Variants in CCDC39 observed in about 807,000 individuals in gnomAD.
The protein encoded by CCDC39 is coiled-coil domain 39 molecular ruler complex subunit.
CCDC39 carries 113 observed loss-of-function variants against 121.0 expected under a neutral mutation model. That is an observed-to-expected ratio of 0.93 (90% CI 0.80 to 1.09). The LOEUF is 1.09. Ranked by LOEUF, CCDC39 falls within the 50% of genes least tolerant of loss-of-function variation. The pLI is 0.00. For missense variants in CCDC39, 1,063 were observed against 1,074.7 expected, an observed-to-expected ratio of 0.99 and a Z score of 0.15; for synonymous variants, 349 against 352.2, an observed-to-expected ratio of 0.99 and a Z score of 0.10.
chr3:180,662,494 TAAA>T (rs1170189606), intron 2 of CCDC39, among the ~76,000 whole-genome samples: 1 of 152,132 alleles, frequency 6.6e-6, no homozygotes, highest in Non-Finnish European at 1.5e-5. Flanking sequence ...TTTTATGTAA[TAAA>T]AGAGTATGTG....
intron 16 of CCDC39, among the ~76,000 whole-genome samples, chr3:180,617,180 G>GT (rs1408412584): frequency 6.6e-6 from 1 of 152,028 alleles, no homozygotes; most frequent in African/African-American, 2.4e-5. Context: ...AAAAATTCCT[G>GT]TTACCTAGCG....
chr3:180,653,956 T>C (rs971322758), intron 7 of CCDC39, among the ~76,000 whole-genome samples: 2 of 151,964 alleles, frequency 1.3e-5, no homozygotes, highest in Admixed American at 1.3e-4. Flanking sequence ...TATTGTTGTA[T>C]TATTTTTATT....
intron 7 of CCDC39, among the ~76,000 whole-genome samples, chr3:180,652,970 C>T (rs1354419984): frequency 1.3e-5 from 2 of 152,068 alleles, no homozygotes; most frequent in Admixed American, 1.3e-4. Context: ...GATCTGTACA[C>T]TAAAAACTAC....
At chr3:180,671,172 C>T (rs1712033307) in intron 1 of CCDC39, among the ~76,000 whole-genome samples, 1 of 145,932 alleles carries the variant, frequency 6.9e-6, no homozygotes, top group Admixed American at 7.0e-5. Flanking sequence ...GATGGTGTCA[C>T]TGCACTCCAG....
intron 10 of CCDC39, among the ~76,000 whole-genome samples, chr3:180,647,698 T>C (rs538336526): frequency 6.6e-6 from 1 of 151,988 alleles, no homozygotes; most frequent in Non-Finnish European, 1.5e-5. Context: ...GAATATATAT[T>C]AGATGAGAAA....
At chr3:180,637,550 T>A (rs991432436) in intron 13 of CCDC39, among the ~76,000 whole-genome samples, 1 of 152,080 alleles carries the variant, frequency 6.6e-6, no homozygotes, top group Non-Finnish European at 1.5e-5. Flanking sequence ...AACAGAAGTA[T>A]CATTCAACCC....
At position 180,651,425 on chromosome 3, in the gene CCDC39, T is replaced by C; in HGVS notation, c.1143A>G (p.Leu381=). Residue 381 remains leucine (L), a synonymous_variant, in exon 9 of 20, where the codon CTA becomes CTG. Coordinates refer to ENST00000476379, the MANE Select transcript of CCDC39 (RefSeq NM_181426.2). ...EEKATNLEDM[L]KEEEKDVKEV... ...CCTTCACATCTTTTTCCTCCTCCTT[T>C]AGCATATCTTCCAAATTAGTAGCTT... 6.4e-7 allele frequency: 1 copy of C among 1,558,884 alleles called. No homozygotes were observed. Among genetic ancestry groups the C allele is most frequent in the Non-Finnish European group, 8.7e-7 (1 of 1,150,128 alleles).
intron 1 of CCDC39, among the ~76,000 whole-genome samples, chr3:180,672,945 G>A (rs1329085635): frequency 6.6e-6 from 1 of 152,210 alleles, no homozygotes; most frequent in African/African-American, 2.4e-5. Context: ...CCTTATGGAT[G>A]AGTTTGAGAG....
chr3:180,654,768 C>T lies in CCDC39; in HGVS notation c.924G>A (p.Lys308=). Residue 308 remains lysine, a synonymous_variant, in exon 7 of 20, where the codon AAG becomes AAA. Transcript: ENST00000476379. ...CTTTTTTGAGTTGACATACCTCACC[C>T]TTCAGCTGAATTCTACTAGTTTCAT... ...QDHETSRIQL[K]GELDSLKATV... 2 of 1,605,620 alleles carry T rather than the reference C, an allele frequency of 1.2e-6. No individual in the cohort carries two copies. Among genetic ancestry groups the T allele is most frequent in the South Asian group, 1.1e-5 (1 of 89,530 alleles).
Position 180,644,174 on chromosome 3 carries a change from G to A in CCDC39, c.1611C>T (p.Asn537=), listed in dbSNP as rs370618523. Reference sequence around the variant, plus strand: ...CTTTCTCTGATCTGTCGATGAAAAGGTTTAGTTCATTTATTTTGGTCATAA... The same window carrying A: ...CTTTCTCTGATCTGTCGATGAAAAGATTTAGTTCATTTATTTTGGTCATAA... ...QSLMTKINEL[N]LFIDRSEKEL... is the part of the protein sequence containing the mutation. The change falls in exon 12 of 20, where the codon AAC becomes AAT. Residue 537 remains asparagine, a synonymous_variant. Transcript: ENST00000476379. 29 of 1,544,034 alleles carry A rather than the reference G, an allele frequency of 1.9e-5. No homozygotes were observed. The highest frequency in any genetic ancestry group is 4.0e-5 in the Admixed American group (2 of 50,078).
chr3:180,645,115 T>C (rs899027345), intron 11 of CCDC39, among the ~76,000 whole-genome samples: 2 of 152,156 alleles, frequency 1.3e-5, no homozygotes, highest in African/African-American at 4.8e-5. Flanking sequence ...TCCTCATCTC[T>C]AAATGGAGAT....
chr3:180,639,041 A>G (rs979836500), intron 13 of CCDC39, among the ~76,000 whole-genome samples: 15 of 152,120 alleles, frequency 9.9e-5, no homozygotes, highest in Admixed American at 5.2e-4. Context: ...AGAACTGGAA[A>G]CAACTCAAAT....
At chr3:180,661,155 G>T (rs1056401186) in intron 3 of CCDC39, among the ~76,000 whole-genome samples, 1 of 151,888 alleles carries the variant, frequency 6.6e-6, no homozygotes, top group African/African-American at 2.4e-5. Flanking sequence ...CATATTGTTT[G>T]CCCTAAGAAG....
chr3:180,651,860 AC>A (rs1711500108), intron 8 of CCDC39, among the ~76,000 whole-genome samples: 1 of 152,060 alleles, frequency 6.6e-6, no homozygotes, highest in Non-Finnish European at 1.5e-5. Flanking sequence ...ACACGGTGAA[AC>A]CCCGTCTCTA....
In CCDC39 at chr3:180,648,344, G is replaced by C; in HGVS notation, c.1183C>G (p.Leu395Val). 1 of 1,563,584 alleles carries C rather than the reference G, an allele frequency of 6.4e-7. No individual in the cohort carries two copies. Among genetic ancestry groups the C allele is most frequent in the Non-Finnish European group, 8.7e-7 (1 of 1,155,416 alleles). The change falls in exon 10 of 20, where the codon CTG becomes GTG. Residue 395 changes from leucine (L) to valine (V), a missense_variant. By Grantham distance (32) the Leu-to-Val change is conservative (BLOSUM62 1). Coordinates refer to ENST00000476379, the MANE Select transcript of CCDC39 (RefSeq NM_181426.2). ...AACAGCACACCTTTTATGAGGTTCA[G>C]TTGAACATCTACTTCCTGATAATGA... ...EKDVKEVDVQ[L>V]NLIKGVLFKK...
intron 12 of CCDC39, among the ~76,000 whole-genome samples, chr3:180,642,405 A>T (rs1444412893): frequency 6.6e-6 from 1 of 151,668 alleles, no homozygotes; most frequent in Non-Finnish European, 1.5e-5. Flanking sequence ...AATCTTTTTC[A>T]TAATTCAATT....
At chr3:180,647,036 G>A (rs370501907) in intron 11 of CCDC39, 43 bp downstream of exon 11, 2 of 1,571,208 alleles carry the variant, frequency 1.3e-6, no homozygotes, top group Non-Finnish European at 8.7e-7. Context: ...AAAACAGAAT[G>A]ACTAGGATAT....
At chr3:180,616,418 A>T in intron 18 of CCDC39, 55 bp from the exon 19 acceptor site, 1 of 1,522,730 alleles carries the variant, frequency 6.6e-7, no homozygotes, top group Non-Finnish European at 8.8e-7. Context: ...TTTAGAAGAT[A>T]AATATTTTTA....
intron 2 of CCDC39, among the ~76,000 whole-genome samples, chr3:180,663,119 CTT>C (rs1378530242): frequency 6.6e-6 from 1 of 152,096 alleles, no homozygotes; most frequent in African/African-American, 2.4e-5. Context: ...AATAAAGTCT[CTT>C]AAGTATAATC....
Sources: gnomAD v4.1 joint callset for allele counts (sites outside exome capture counted in the v4.1 genomes callset) on GRCh38, gnomAD v4.1.1 for gene constraint, MANE v1.5 for transcripts, NCBI Gene and HGNC (gene_info 2026-07-23, HGNC 2026-07-21) for gene names.